The following KCNIP4 variants were observed in gnomAD, a reference collection of about 807,000 sequenced individuals.
KCNIP4 encodes the protein Kv channel-interacting protein 4.
Under a neutral mutation model 34.0 loss-of-function variants are expected in KCNIP4, and 12 were observed. That is an observed-to-expected ratio of 0.35 (90% confidence interval 0.23 to 0.57). The LOEUF (loss-of-function observed/expected upper bound fraction) is 0.57, where lower values mean the gene tolerates loss of function less well. Ranked by LOEUF, KCNIP4 falls within the 20% of genes least tolerant of loss-of-function variation. The pLI is 0.83. For missense variants in KCNIP4, 238 were observed against 311.7 expected (o/e 0.76, Z 1.78); for synonymous variants, 124 against 102.2 (o/e 1.21, Z -1.29).
chr4:21,592,542 AGGTACTTT>A (rs1378425519), intron 1 of KCNIP4, among the ~76,000 whole-genome samples: 22 of 152,254 alleles, frequency 1.4e-4, no homozygotes, highest in Admixed American at 1.4e-3. Context: ...TAATTTAAAC[AGGTACTTT>A]GGCTTCTTGA....
chr4:20,810,441 A>T (rs376800016), intron 3 of KCNIP4, among the ~76,000 whole-genome samples: 48 of 134,562 alleles, frequency 3.6e-4, no homozygotes, highest in African/African-American at 1.2e-3. Context: ...ATGGAAGAGT[A>T]CAGGGCAGGG....
intron 1 of KCNIP4, among the ~76,000 whole-genome samples, chr4:20,900,234 A>G (rs1368987401): frequency 6.6e-6 from 1 of 152,220 alleles, no homozygotes; most frequent in African/African-American, 2.4e-5. Flanking sequence ...GAAATATGCT[A>G]TAACTAAACA....
chr4:20,850,953 T>G (rs981437174), intron 2 of KCNIP4, among the ~76,000 whole-genome samples: 13 of 152,202 alleles, frequency 8.5e-5, no homozygotes, highest in Non-Finnish European at 5.9e-5. Context: ...TTTCAGATAA[T>G]CAGTGGATTA....
chr4:21,339,706 T>G (rs781470161), intron 1 of KCNIP4, among the ~76,000 whole-genome samples: 20 of 151,980 alleles, frequency 1.3e-4, no homozygotes, highest in Non-Finnish European at 2.6e-4. Context: ...CAAGCTTGGG[T>G]GAATTGGTGC....
chr4:21,272,591 CGTGTAGAGAAATTAACAAAATGA>C (rs1324965170), intron 1 of KCNIP4, among the ~76,000 whole-genome samples: 1 of 152,120 alleles, frequency 6.6e-6, no homozygotes, highest in Non-Finnish European at 1.5e-5. Flanking sequence ...TTTCCTTCTT[CGTGTAGAGAAATTAACAAAATGA>C]ATGTACTTTG....
At chr4:21,079,715 G>A (rs557816107) in intron 1 of KCNIP4, among the ~76,000 whole-genome samples, 3 of 151,850 alleles carry the variant, frequency 2.0e-5, no homozygotes, top group Non-Finnish European at 4.4e-5. Context: ...AATATAAAGA[G>A]ATTATTCTGG....
intron 1 of KCNIP4, among the ~76,000 whole-genome samples, chr4:21,501,664 T>C (rs1420166824): frequency 8.1e-6 from 1 of 123,448 alleles, no homozygotes; most frequent in Non-Finnish European, 1.8e-5. Context: ...CTCCTCAAAT[T>C]CACATTTTGG....
intron 1 of KCNIP4, among the ~76,000 whole-genome samples, chr4:21,333,382 TA>T (rs548071538): frequency 0.017 from 2,556 of 151,182 alleles, 50 homozygotes; most frequent in Middle Eastern, 0.027. Context: ...AACCTAAAAT[TA>T]AAAAAAAATC....
intron 1 of KCNIP4, among the ~76,000 whole-genome samples, chr4:21,394,973 G>T (rs901213449): frequency 6.7e-6 from 1 of 150,010 alleles, no homozygotes; most frequent in Non-Finnish European, 1.5e-5. Context: ...GGCTCACAAA[G>T]ACTAAGCCAC....
intron 1 of KCNIP4, among the ~76,000 whole-genome samples, chr4:21,918,879 A>G (rs1728788622): frequency 6.6e-6 from 1 of 152,176 alleles, no homozygotes; most frequent in African/African-American, 2.4e-5. Flanking sequence ...CGCTTCCTTA[A>G]GTCAATCCTG....
intron 2 of KCNIP4, among the ~76,000 whole-genome samples, chr4:20,854,227 C>T (rs1351713027): frequency 6.6e-6 from 1 of 152,154 alleles, no homozygotes; most frequent in African/African-American, 2.4e-5. Flanking sequence ...ATTGCAAAAT[C>T]GTGGAACCAA....
chr4:20,792,979 C>A (rs1476572227), intron 3 of KCNIP4, among the ~76,000 whole-genome samples: 1 of 152,080 alleles, frequency 6.6e-6, no homozygotes, highest in Non-Finnish European at 1.5e-5. Context: ...AAAAGAAAAA[C>A]TAGTAGAAGT....
chr4:20,927,103 G>A (rs116249538), intron 1 of KCNIP4, among the ~76,000 whole-genome samples: 1,957 of 151,994 alleles, frequency 0.013, 50 homozygotes, highest in African/African-American at 0.045. Context: ...CTTAGCCTCC[G>A]GAGTAGCTGA....
intron 1 of KCNIP4, among the ~76,000 whole-genome samples, chr4:20,977,606 G>C (rs145383474): frequency 1.3e-5 from 2 of 152,208 alleles, no homozygotes; most frequent in African/African-American, 4.8e-5. Flanking sequence ...GAAAATAATA[G>C]TCCCCAGACT....
At chr4:21,865,747 T>A (rs887969795) in intron 1 of KCNIP4, among the ~76,000 whole-genome samples, 4 of 151,888 alleles carry the variant, frequency 2.6e-5, no homozygotes, top group Admixed American at 6.6e-5. Flanking sequence ...TTTACCATGT[T>A]GGCCAGGCTG....
At chr4:20,827,381 T>C (rs941882400) in intron 3 of KCNIP4, among the ~76,000 whole-genome samples, 2 of 152,194 alleles carry the variant, frequency 1.3e-5, no homozygotes, top group Non-Finnish European at 2.9e-5. Context: ...TGTTGCCTCT[T>C]CACATGGGAA....
intron 1 of KCNIP4, among the ~76,000 whole-genome samples, chr4:21,077,416 TA>T (rs1328456944): frequency 6.6e-6 from 1 of 152,152 alleles, no homozygotes; most frequent in African/African-American, 2.4e-5. Flanking sequence ...GGAAGTTAAA[TA>T]AAAATGGCTT....
At chr4:20,885,009 CTTTT>C (rs1391521841) in intron 1 of KCNIP4, among the ~76,000 whole-genome samples, 56 of 152,178 alleles carry the variant, frequency 3.7e-4, no homozygotes, top group African/African-American at 1.3e-3. Context: ...CCCCATGAGG[CTTTT>C]AAAACTCAGT....
At chr4:21,414,110 A>C (rs76707556) in intron 1 of KCNIP4, among the ~76,000 whole-genome samples, 8,594 of 152,222 alleles carry the variant, frequency 0.056, 270 homozygotes, top group South Asian at 0.084. Flanking sequence ...AAGTAAATAT[A>C]GAGTAGGTTA....
Sources: gnomAD v4.1 joint callset for allele counts (sites outside exome capture counted in the v4.1 genomes callset) on GRCh38, gnomAD v4.1.1 for gene constraint, MANE v1.5 for transcripts, NCBI Gene and HGNC (gene_info 2026-07-23, HGNC 2026-07-21) for gene names.